KCNIP4: variants seen among roughly 807,000 people sequenced by gnomAD.
KCNIP4 encodes the protein Kv channel-interacting protein 4.
Under a neutral mutation model 34.0 loss-of-function variants are expected in KCNIP4, and 12 were observed. That is an observed-to-expected ratio of 0.35 (90% CI 0.23 to 0.57). The LOEUF (loss-of-function observed/expected upper bound fraction) is 0.57. KCNIP4 is among the 20% of genes least tolerant of loss of function. KCNIP4 has a pLI of 0.83. For synonymous variants in KCNIP4, 124 were observed against 102.2 expected, an observed-to-expected ratio of 1.21 and a Z score of -1.29; for missense variants, 238 against 311.7, an observed-to-expected ratio of 0.76 and a Z score of 1.78.
chr4:21,908,948 G>A (rs1015029649), intron 1 of KCNIP4, among the ~76,000 whole-genome samples: 1 of 152,022 alleles, frequency 6.6e-6, no homozygotes, highest in African/African-American at 2.4e-5. Flanking sequence ...TGTGTTATGG[G>A]ATACGTTTTC....
At chr4:20,833,978 T>A (rs1468738274) in intron 3 of KCNIP4, among the ~76,000 whole-genome samples, 1 of 152,068 alleles carries the variant, frequency 6.6e-6, no homozygotes, top group Non-Finnish European at 1.5e-5. Context: ...TGTGGTGAAG[T>A]GGGGAAGAGC....
intron 3 of KCNIP4, among the ~76,000 whole-genome samples, chr4:20,829,267 G>T (rs1718136949): frequency 6.6e-6 from 1 of 151,912 alleles, no homozygotes; most frequent in Non-Finnish European, 1.5e-5. Context: ...GAGTGCAGTG[G>T]TATGATCTCA....
chr4:20,750,882 C>T (rs911077123), intron 4 of KCNIP4, among the ~76,000 whole-genome samples: 1 of 151,842 alleles, frequency 6.6e-6, no homozygotes, highest in African/African-American at 2.4e-5. Flanking sequence ...AACTTTTAAC[C>T]TTTATTGGGT....
chr4:21,643,314 G>T (rs1318758543), intron 1 of KCNIP4, among the ~76,000 whole-genome samples: 1 of 152,144 alleles, frequency 6.6e-6, no homozygotes, highest in East Asian at 1.9e-4. Flanking sequence ...TCATCAAAAA[G>T]ACTTTCAAGG....
At chr4:21,786,081 T>G (rs926157856) in intron 1 of KCNIP4, among the ~76,000 whole-genome samples, 2 of 152,212 alleles carry the variant, frequency 1.3e-5, no homozygotes, top group Non-Finnish European at 2.9e-5. Flanking sequence ...CCCGTGTAGC[T>G]GGGACTACAG....
chr4:21,007,488 A>G (rs1399591861), intron 1 of KCNIP4, among the ~76,000 whole-genome samples: 2 of 152,072 alleles, frequency 1.3e-5, no homozygotes, highest in African/African-American at 2.4e-5. Flanking sequence ...CAAAAACTAG[A>G]TCTTATTCAT....
intron 1 of KCNIP4, among the ~76,000 whole-genome samples, chr4:21,416,249 A>G (rs931117334): frequency 1.3e-5 from 2 of 152,236 alleles, no homozygotes; most frequent in Admixed American, 6.5e-5. Context: ...GTAGTGGCAC[A>G]TAAGTGAAAA....
intron 1 of KCNIP4, among the ~76,000 whole-genome samples, chr4:21,274,687 G>C (rs948205376): frequency 2.6e-5 from 4 of 151,992 alleles, no homozygotes; most frequent in Non-Finnish European, 5.9e-5. Context: ...TTCTCTTAAA[G>C]TACAAATTTC....
chr4:21,638,206 G>A (rs1453778924), intron 1 of KCNIP4, among the ~76,000 whole-genome samples: 4 of 152,124 alleles, frequency 2.6e-5, no homozygotes, highest in African/African-American at 9.7e-5. Flanking sequence ...ATGGATACCT[G>A]TGCAATAAAT....
intron 1 of KCNIP4, among the ~76,000 whole-genome samples, chr4:21,454,997 A>G (rs532027470): frequency 1.3e-5 from 2 of 151,990 alleles, no homozygotes; most frequent in Non-Finnish European, 2.9e-5. Flanking sequence ...TGAGAGTACC[A>G]AGTTCTGGAG....
At chr4:21,714,870 T>TTTTATTTTATTTTATTTTATTTTATTTTA (rs1560656170) in intron 1 of KCNIP4, among the ~76,000 whole-genome samples, 8 of 286 alleles carry the variant, frequency 0.028, no homozygotes, top group Admixed American at 0.062. Flanking sequence ...TTTTATTTTA[T>TTTTATTTTATTTTATTTTATTTTATTTTA]TTTATTTTAT....
chr4:20,905,748 C>T (rs1727692162), intron 1 of KCNIP4, among the ~76,000 whole-genome samples: 1 of 151,600 alleles, frequency 6.6e-6, no homozygotes, highest in Non-Finnish European at 1.5e-5. Context: ...TCTCAAACTC[C>T]TGATGTCGTG....
intron 1 of KCNIP4, among the ~76,000 whole-genome samples, chr4:21,772,084 T>G (rs1297143730): frequency 1.3e-5 from 2 of 152,204 alleles, no homozygotes; most frequent in African/African-American, 4.8e-5. Context: ...CTTATTATTT[T>G]GAGATATGTT....
chr4:21,923,382 G>C (rs1729049990), intron 1 of KCNIP4, among the ~76,000 whole-genome samples: 1 of 152,150 alleles, frequency 6.6e-6, no homozygotes, highest in South Asian at 2.1e-4. Context: ...AGGAGTTCGA[G>C]ACCAGCCTGG....
chr4:21,620,090 G>A (rs1744900471), intron 1 of KCNIP4, among the ~76,000 whole-genome samples: 1 of 152,224 alleles, frequency 6.6e-6, no homozygotes, highest in South Asian at 2.1e-4. Flanking sequence ...GCATGACTGA[G>A]CACATTAATA....
intron 1 of KCNIP4, among the ~76,000 whole-genome samples, chr4:21,335,314 T>C (rs1020425587): frequency 1.3e-5 from 2 of 152,140 alleles, no homozygotes; most frequent in Non-Finnish European, 2.9e-5. Context: ...AAAAAACTTA[T>C]AATGCTCTTA....
intron 1 of KCNIP4, among the ~76,000 whole-genome samples, chr4:21,733,766 C>A (rs1234167950): frequency 6.6e-6 from 1 of 152,094 alleles, no homozygotes; most frequent in African/African-American, 2.4e-5. Flanking sequence ...AGGGATATAG[C>A]AGTATCTTAA....
At chr4:21,358,763 A>G (rs1172783025) in intron 1 of KCNIP4, among the ~76,000 whole-genome samples, 1 of 152,070 alleles carries the variant, frequency 6.6e-6, no homozygotes, top group Non-Finnish European at 1.5e-5. Flanking sequence ...CCCTCTGCTC[A>G]CTGAGATAAA....
Position 21,685,817 on chromosome 4 carries a change from T to G in KCNIP4, c.61+262754A>C, listed in dbSNP as rs1029229707. 2.0e-5 allele frequency among the ~76,000 whole-genome samples: 3 copies of G among 152,204 alleles called. No homozygotes were observed. The South Asian group carries it at 6.2e-4, about 31-fold the overall frequency. ...GTACCACTTTGAGTGCAAACAAGTT[T>G]CTCAACCTTCTAAGTTCAGGGATTG... is the stretch of plus-strand genomic sequence containing the variant. On this transcript the variant is annotated intron_variant, in intron 1 of 8. Coordinates refer to ENST00000382152, the MANE Select transcript of KCNIP4 (RefSeq NM_025221.6).
Sources: gnomAD v4.1 joint callset for allele counts (sites outside exome capture counted in the v4.1 genomes callset) on GRCh38, gnomAD v4.1.1 for gene constraint, MANE v1.5 for transcripts, NCBI Gene and HGNC (gene_info 2026-07-23, HGNC 2026-07-21) for gene names.